Variants in XPR1 observed in about 807,000 individuals in gnomAD.
XPR1 encodes the protein xenotropic and polytropic retrovirus receptor 1.
In XPR1, 28 loss-of-function variants were observed where a neutral mutation model predicts 87.5. That is an observed-to-expected ratio of 0.32 (90% CI 0.24 to 0.44). The LOEUF is 0.44. XPR1 is among the 20% of genes least tolerant of loss of function. XPR1 has a pLI of 1.00. For missense variants in XPR1, 559 were observed against 862.3 expected, an observed-to-expected ratio of 0.65 and a Z score of 4.41; for synonymous variants, 300 against 306.1, an observed-to-expected ratio of 0.98 and a Z score of 0.21.
chr1:180,740,522 G>A (rs184376709), intron 2 of XPR1, among the ~76,000 whole-genome samples: 90 of 151,954 alleles, frequency 5.9e-4, no homozygotes, highest in African/African-American at 2.1e-3. Flanking sequence ...ACTAGGTTGT[G>A]GTATGCTATT....
At chr1:180,874,175 G>A (rs908514881) in intron 13 of XPR1, 5 of 430,268 alleles carry the variant, frequency 1.2e-5, no homozygotes, top group African/African-American at 2.0e-5. Flanking sequence ...GATTACAGGC[G>A]TGAGCTACTG....
chr1:180,721,515 A>C (rs1007095322), intron 2 of XPR1, among the ~76,000 whole-genome samples: 17 of 152,106 alleles, frequency 1.1e-4, no homozygotes, highest in African/African-American at 4.1e-4. Context: ...CAGGATTGAA[A>C]CCGTCATTTT....
At chr1:180,872,800 G>A (rs1652545111) in intron 12 of XPR1, among the ~76,000 whole-genome samples, 1 of 151,808 alleles carries the variant, frequency 6.6e-6, no homozygotes, top group Non-Finnish European at 1.5e-5. Flanking sequence ...GCTGGGAGCT[G>A]TAGACCGGAG....
At chr1:180,659,422 TC>T (rs1655682493) in intron 1 of XPR1, among the ~76,000 whole-genome samples, 16 of 104,906 alleles carry the variant, frequency 1.5e-4, no homozygotes, top group South Asian at 3.2e-4. Context: ...CTTCCTTCCT[TC>T]CTTCCTTCCT....
At chr1:180,738,909 G>GT (rs35968683) in intron 2 of XPR1, among the ~76,000 whole-genome samples, 233 of 151,832 alleles carry the variant, frequency 1.5e-3, no homozygotes, top group Middle Eastern at 6.8e-3. Context: ...CAATTTATCA[G>GT]TTTTTTTTCA....
At chr1:180,678,308 G>A (rs1656431813) in intron 1 of XPR1, among the ~76,000 whole-genome samples, 1 of 152,118 alleles carries the variant, frequency 6.6e-6, no homozygotes, top group South Asian at 2.1e-4. Context: ...TGGAGGTGGG[G>A]CTGAAAGTTC....
chr1:180,884,926 C>G lies in XPR1; in HGVS notation c.*860C>G, dbSNP rs1164936814. Reference sequence around the variant, plus strand: ...TGCTGCTTTAGAGTCCTGAGCATATCTCTCATAACAAGGAATCCCACACTT... The same window carrying G: ...TGCTGCTTTAGAGTCCTGAGCATATGTCTCATAACAAGGAATCCCACACTT... On this transcript the variant is annotated 3_prime_UTR_variant, in exon 15 of 15. Coordinates refer to ENST00000367590, the MANE Select transcript of XPR1 (RefSeq NM_004736.4). The G allele has an allele frequency of 6.6e-6, 1 of 152,278 alleles. No individual in the cohort carries two copies. The highest frequency in any genetic ancestry group is 1.5e-5 in the Non-Finnish European group (1 of 68,032). 9.4% of individuals were successfully genotyped at this position (152,278 alleles called of 1,614,324 possible). A position where few individuals can be genotyped will look rare whatever the true frequency, so the allele number is the denominator to read the frequency against.
intron 2 of XPR1, among the ~76,000 whole-genome samples, chr1:180,727,047 TTG>T (rs1658379759): frequency 6.6e-6 from 1 of 151,956 alleles, no homozygotes; most frequent in Non-Finnish European, 1.5e-5. Flanking sequence ...GCTAATTTTT[TTG>T]TGTTTTTAGT....
intron 7 of XPR1, among the ~76,000 whole-genome samples, chr1:180,813,411 C>G (rs1433116765): frequency 2.0e-5 from 3 of 152,164 alleles, no homozygotes; most frequent in Non-Finnish European, 4.4e-5. Flanking sequence ...TATTCTGTCC[C>G]TTTAGCCTAC....
At chr1:180,863,399 T>A (rs1652280815) in intron 11 of XPR1, among the ~76,000 whole-genome samples, 2 of 152,190 alleles carry the variant, frequency 1.3e-5, no homozygotes, top group Non-Finnish European at 1.5e-5. Flanking sequence ...TAAAATTGCA[T>A]CTTTTGTAAC....
intron 2 of XPR1, among the ~76,000 whole-genome samples, chr1:180,762,015 G>T (rs531336912): frequency 6.7e-6 from 1 of 150,306 alleles, no homozygotes. Context: ...GCAAACTATC[G>T]CAAGGACAAA....
At chr1:180,807,195 G>A (rs1238038145) in intron 6 of XPR1, among the ~76,000 whole-genome samples, 3 of 152,140 alleles carry the variant, frequency 2.0e-5, no homozygotes, top group Admixed American at 6.6e-5. Flanking sequence ...TCAACATTGT[G>A]CTGGAGATTA....
intron 2 of XPR1, among the ~76,000 whole-genome samples, chr1:180,697,683 C>CT (rs1373659999): frequency 1.1e-4 from 17 of 152,068 alleles, no homozygotes; most frequent in African/African-American, 4.1e-4. Context: ...TAAAATTTTT[C>CT]TTTTTAATTT....
intron 11 of XPR1, among the ~76,000 whole-genome samples, chr1:180,862,172 A>G (rs1209127648): frequency 2.0e-5 from 3 of 151,984 alleles, no homozygotes; most frequent in Non-Finnish European, 4.4e-5. Flanking sequence ...TGAAGCTCCA[A>G]GGCAACTATT....
At chr1:180,781,391 A>G (rs1481674624) in intron 2 of XPR1, among the ~76,000 whole-genome samples, 1 of 152,032 alleles carries the variant, frequency 6.6e-6, no homozygotes, top group East Asian at 1.9e-4. Flanking sequence ...TGAATGGAAC[A>G]TTAAAGATAT....
At chr1:180,736,874 A>G (rs995107515) in intron 2 of XPR1, among the ~76,000 whole-genome samples, 10 of 152,174 alleles carry the variant, frequency 6.6e-5, no homozygotes, top group African/African-American at 2.2e-4. Flanking sequence ...TGACAGGCCG[A>G]AAAAAGAGGC....
At chr1:180,780,408 A>G (rs932172562) in intron 2 of XPR1, among the ~76,000 whole-genome samples, 1 of 152,106 alleles carries the variant, frequency 6.6e-6, no homozygotes, top group Non-Finnish European at 1.5e-5. Context: ...CTAATGACTG[A>G]TGTGTTGAAA....
At chr1:180,865,154 G>T (rs941357317) in intron 12 of XPR1, among the ~76,000 whole-genome samples, 1 of 152,080 alleles carries the variant, frequency 6.6e-6, no homozygotes, top group Non-Finnish European at 1.5e-5. Flanking sequence ...ACAAATAAAG[G>T]GGAAAAGGGG....
At chr1:180,846,444 TA>T (rs1282024122) in intron 11 of XPR1, among the ~76,000 whole-genome samples, 3 of 126,798 alleles carry the variant, frequency 2.4e-5, no homozygotes, top group African/African-American at 6.0e-5. Flanking sequence ...TTTGTTTATT[TA>T]TTTATTTTTT....
Sources: gnomAD v4.1 joint callset for allele counts (sites outside exome capture counted in the v4.1 genomes callset) on GRCh38, gnomAD v4.1.1 for gene constraint, MANE v1.5 for transcripts, NCBI Gene and HGNC (gene_info 2026-07-23, HGNC 2026-07-21) for gene names.